SLC13A3: variants seen among roughly 807,000 people sequenced by gnomAD.
SLC13A3 encodes the protein solute carrier family 13 member 3, also known as Na(+)/dicarboxylate cotransporter 3.
Under a neutral mutation model 59.0 loss-of-function variants are expected in SLC13A3, and 40 were observed. The observed-to-expected ratio is 0.68, with a 90% CI of 0.53 to 0.88. The LOEUF is 0.88. Among genes scored for constraint, SLC13A3 ranks in the 40% least tolerant of loss-of-function variants. SLC13A3 has a pLI of 0.00. For synonymous variants in SLC13A3, 317 were observed against 330.3 expected (o/e 0.96, Z 0.44); for missense variants, 699 against 783.2 (o/e 0.89, Z 1.28).
At chr20:46,656,934 A>G (rs1402645957) in intron 1 of SLC13A3, among the ~76,000 whole-genome samples, 1 of 152,112 alleles carries the variant, frequency 6.6e-6, no homozygotes, top group Non-Finnish European at 1.5e-5. Flanking sequence ...TCAGTTATAC[A>G]ATTTTCATTT....
chr20:46,620,675 GA>G (rs895413928), intron 1 of SLC13A3, among the ~76,000 whole-genome samples: 8 of 151,536 alleles, frequency 5.3e-5, no homozygotes, highest in African/African-American at 1.9e-4. Flanking sequence ...GATCTGCAAG[GA>G]AAAAAAAATT....
Position 46,569,025 on chromosome 20 carries a change from C to T in SLC13A3, c.1333-2635G>A, listed in dbSNP as rs530866960. On this transcript the variant is annotated intron_variant, in intron 10 of 12. Coordinates refer to ENST00000279027, the MANE Select transcript of SLC13A3 (RefSeq NM_022829.6). ...TTGAGACAGAGCCTCACATTGTCAC[C>T]CAGGCTGGAGTGCAGTGACACAATT... Among the ~76,000 whole-genome samples the T allele has an allele frequency of 2.6e-5, 4 of 152,290 alleles. No individual in the cohort carries two copies. The South Asian group carries it at 8.3e-4, about 32-fold the overall frequency.
chr20:46,656,241 A>G, upstream of SLC13A3, among the ~76,000 whole-genome samples: 1 of 143,406 alleles, frequency 7.0e-6, no homozygotes, highest in East Asian at 2.1e-4. Flanking sequence ...TGTACAGTAT[A>G]TATTATACTG....
At chr20:46,588,632 C>A (rs895601179) in intron 7 of SLC13A3, among the ~76,000 whole-genome samples, 7 of 151,898 alleles carry the variant, frequency 4.6e-5, no homozygotes, top group African/African-American at 1.7e-4. Context: ...GGGGACAGAC[C>A]TGGAGAGAGG....
intron 1 of SLC13A3, among the ~76,000 whole-genome samples, chr20:46,633,465 G>A (rs112399959): frequency 5.9e-4 from 90 of 152,242 alleles, no homozygotes; most frequent in African/African-American, 2.1e-3. Context: ...CCGTAATTTC[G>A]GATGCATATT....
chr20:46,661,914 C>T (rs1394368304), intron 1 of SLC13A3, among the ~76,000 whole-genome samples: 1 of 152,184 alleles, frequency 6.6e-6, no homozygotes, highest in Non-Finnish European at 1.5e-5. Flanking sequence ...CTTCTTATCC[C>T]TCCTTTTATC....
chr20:46,642,992 C>A (rs575882635), intron 1 of SLC13A3, among the ~76,000 whole-genome samples: 13 of 152,190 alleles, frequency 8.5e-5, no homozygotes, highest in Non-Finnish European at 1.9e-4. Flanking sequence ...GTAGTAGCTC[C>A]TTCTTGGGGT....
chr20:46,674,604 C>CGCGCGCGCGTGTGTGTGT (rs370861850), upstream of SLC13A3, among the ~76,000 whole-genome samples: 9 of 127,882 alleles, frequency 7.0e-5, no homozygotes, highest in African/African-American at 2.8e-4. Flanking sequence ...CGCGCGCGCG[C>CGCGCGCGCGTGTGTGTGT]GTGTGTGTGT....
At chr20:46,619,791 C>T (rs932136858) in intron 1 of SLC13A3, among the ~76,000 whole-genome samples, 5 of 152,104 alleles carry the variant, frequency 3.3e-5, no homozygotes, top group Admixed American at 1.3e-4. Flanking sequence ...ATCCTGTGAC[C>T]CCCACCCTAA....
At chr20:46,560,796 T>C (rs1175256135) in intron 12 of SLC13A3, among the ~76,000 whole-genome samples, 1 of 152,186 alleles carries the variant, frequency 6.6e-6, no homozygotes, top group Non-Finnish European at 1.5e-5. Context: ...ATCTGCTCCC[T>C]ACCCTGGCTG....
intron 2 of SLC13A3, among the ~76,000 whole-genome samples, chr20:46,611,202 C>A (rs2062490601): frequency 6.6e-6 from 1 of 152,166 alleles, no homozygotes; most frequent in Non-Finnish European, 1.5e-5. Flanking sequence ...CCAACTCTCA[C>A]CATTTATTGG....
At chr20:46,651,493 GGGGGAGGGTC>G, upstream of SLC13A3, 2 of 1,356,614 alleles carry the variant, frequency 1.5e-6, no homozygotes, top group Non-Finnish European at 1.9e-6. Context: ...CTTAAAGCCT[GGGGGAGGGTC>G]GGGGAGGGGA....
chr20:46,673,730 T>C (rs981999253), upstream of SLC13A3: 2 of 152,184 alleles, frequency 1.3e-5, no homozygotes, highest in East Asian at 3.8e-4. Context: ...TAGGTTAAAC[T>C]CCAGGGGAAC....
chr20:46,668,689 T>G (rs1372849687), intron 1 of SLC13A3, among the ~76,000 whole-genome samples: 5 of 152,242 alleles, frequency 3.3e-5, no homozygotes, highest in African/African-American at 1.2e-4. Context: ...GATGAAATAC[T>G]CTTCTTTTGG....
Position 46,669,563 on chromosome 20 carries a change from T to G in SLC13A3, c.-31+480A>C, listed in dbSNP as rs560797683. On this transcript the variant is annotated intron_variant, in intron 1 of 12. Transcript: ENST00000290317. ...TCCCAAGCCTGCCATCATGCTCACC[T>G]TAGGGCAAAGTTAGAAAAACCTCAG... Among the ~76,000 whole-genome samples the G allele has an allele frequency of 1.2e-4, 19 of 152,266 alleles. No individual in the cohort carries two copies. The East Asian group carries it at 3.5e-3, about 28-fold the overall frequency.
At chr20:46,642,776 G>A (rs950009882) in intron 1 of SLC13A3, among the ~76,000 whole-genome samples, 13 of 152,296 alleles carry the variant, frequency 8.5e-5, no homozygotes, top group African/African-American at 1.9e-4. Context: ...CCTGGCTCTC[G>A]AATTAGCCTC....
At chr20:46,632,527 G>C (rs2062750309) in intron 1 of SLC13A3, among the ~76,000 whole-genome samples, 3 of 152,026 alleles carry the variant, frequency 2.0e-5, no homozygotes, top group Admixed American at 2.0e-4. Context: ...TGGGACCTGG[G>C]GGTTATAATC....
chr20:46,564,071 C>A lies in SLC13A3; in HGVS notation c.1495-520G>T, dbSNP rs556766542. On this transcript the variant is annotated intron_variant, in intron 11 of 12. Transcript: ENST00000279027. Reference sequence around the variant, plus strand: ...GACGTGTTCCCCCGGTGCTGCTGGTCTAAGGACTGTACACTGAGAACCAGG... The same window carrying A: ...GACGTGTTCCCCCGGTGCTGCTGGTATAAGGACTGTACACTGAGAACCAGG... Among the ~76,000 whole-genome samples, 6 of 152,358 alleles carry A rather than the reference C, an allele frequency of 3.9e-5. No homozygotes were observed. In the South Asian group the frequency reaches 8.3e-4, roughly 21 times the overall value.
intron 1 of SLC13A3, among the ~76,000 whole-genome samples, chr20:46,659,317 T>C (rs1337030680): frequency 6.6e-6 from 1 of 152,224 alleles, no homozygotes; most frequent in Non-Finnish European, 1.5e-5. Flanking sequence ...TTTAGCTTTT[T>C]TCTGTTTTAT....
Sources: gnomAD v4.1 joint callset for allele counts (sites outside exome capture counted in the v4.1 genomes callset) on GRCh38, gnomAD v4.1.1 for gene constraint, MANE v1.5 for transcripts, NCBI Gene and HGNC (gene_info 2026-07-23, HGNC 2026-07-21) for gene names.